Variants in ROBO2 observed in about 807,000 individuals in gnomAD.
The protein encoded by ROBO2 is roundabout guidance receptor 2.
Under a neutral mutation model 160.8 loss-of-function variants are expected in ROBO2, and 53 were observed. The ratio of observed to expected loss-of-function variants is 0.33; its 90% CI spans 0.26 to 0.41. The LOEUF is 0.41. ROBO2 is among the 10% of genes least tolerant of loss of function. The pLI is 1.00. For synonymous variants in ROBO2, 664 were observed against 611.7 expected, an observed-to-expected ratio of 1.09 and a Z score of -1.26; for missense variants, 1,577 against 1,722.4, an observed-to-expected ratio of 0.92 and a Z score of 1.49.
chr3:76,993,816 G>A (rs1559814956), intron 2 of ROBO2, among the ~76,000 whole-genome samples: 3 of 151,622 alleles, frequency 2.0e-5, no homozygotes, highest in East Asian at 1.9e-4. Flanking sequence ...TGCATTTCCT[G>A]TCAACCATTC....
intron 16 of ROBO2, among the ~76,000 whole-genome samples, chr3:77,583,394 T>C: frequency 6.6e-6 from 1 of 151,886 alleles, no homozygotes; most frequent in East Asian, 2.0e-4. Flanking sequence ...CCTAGTCTTC[T>C]ACTTGTTTGC....
chr3:76,321,140 A>T (rs1323792239), intron 2 of ROBO2, among the ~76,000 whole-genome samples: 1 of 152,198 alleles, frequency 6.6e-6, no homozygotes, highest in Non-Finnish European at 1.5e-5. Flanking sequence ...ATGCATCTCC[A>T]GTTCCTAGGC....
intron 2 of ROBO2, among the ~76,000 whole-genome samples, chr3:76,502,135 A>G (rs1352889125): frequency 6.6e-6 from 1 of 151,202 alleles, no homozygotes; most frequent in Non-Finnish European, 1.5e-5. Flanking sequence ...AAGATATAAT[A>G]CATCAGGCTT....
chr3:75,985,484 T>C (rs758407656), intron 2 of ROBO2, among the ~76,000 whole-genome samples: 13 of 151,680 alleles, frequency 8.6e-5, no homozygotes, highest in Middle Eastern at 3.4e-3. Flanking sequence ...TGATGCATTG[T>C]ACTATGACAT....
chr3:77,256,082 G>A (rs1251421917), intron 2 of ROBO2, among the ~76,000 whole-genome samples: 2 of 152,190 alleles, frequency 1.3e-5, no homozygotes, highest in Non-Finnish European at 2.9e-5. Context: ...ACCGAATGAA[G>A]CCACCTAATT....
At position 76,115,719 on chromosome 3, in the gene ROBO2, G is replaced by C. The variant is rs185751244; in HGVS notation, c.109+178117G>C. Among the ~76,000 whole-genome samples, 298 of 152,128 alleles carry C rather than the reference G, an allele frequency of 2.0e-3. 2 individuals are homozygous for C. Among genetic ancestry groups the C allele is most frequent in the Non-Finnish European group, 2.2e-3 (147 of 67,968 alleles). On this transcript the variant is annotated intron_variant, in intron 2 of 26. Transcript: ENST00000487694. ...ATTGTTTTCTCAATGTTTCTTTGGA[G>C]CATTAGCCATAAGAAGCAGCAAAAT...
chr3:76,628,988 A>G (rs370431768), intron 2 of ROBO2, among the ~76,000 whole-genome samples: 1 of 139,098 alleles, frequency 7.2e-6, no homozygotes. Flanking sequence ...TACTAAGCAT[A>G]ATATAGCGTC....
At chr3:76,095,701 T>G (rs768348672) in intron 2 of ROBO2, among the ~76,000 whole-genome samples, 1 of 151,736 alleles carries the variant, frequency 6.6e-6, no homozygotes, top group Non-Finnish European at 1.5e-5. Context: ...TCAATGTGTG[T>G]GTATGGCACA....
intron 2 of ROBO2, among the ~76,000 whole-genome samples, chr3:76,741,462 G>T (rs1038486540): frequency 6.6e-6 from 1 of 151,968 alleles, no homozygotes; most frequent in Admixed American, 6.6e-5. Context: ...CCCTTGCCTA[G>T]AAATGTGGCT....
At chr3:76,077,040 A>C (rs750183352) in intron 2 of ROBO2, among the ~76,000 whole-genome samples, 11 of 152,214 alleles carry the variant, frequency 7.2e-5, no homozygotes, top group Non-Finnish European at 1.6e-4. Context: ...CTGGTAGTGC[A>C]AAGTGAATTT....
chr3:75,918,474 C>T (rs1946899620), intron 1 of ROBO2, among the ~76,000 whole-genome samples: 1 of 152,318 alleles, frequency 6.6e-6, no homozygotes, highest in Non-Finnish European at 1.5e-5. Context: ...CGTCATGCCT[C>T]CAGCTTTGTT....
In ROBO2 at chr3:76,209,165, A is replaced by G. The variant is rs553191683; in HGVS notation, c.109+271563A>G. Among the ~76,000 whole-genome samples, 236 of 152,318 alleles carry G rather than the reference A, an allele frequency of 1.5e-3. 1 individual carries two copies. The Middle Eastern group carries it at 0.034, about 22-fold the overall frequency. ...CATGTGATCTTGTCCACAGACAATCAGATGGAAGGGCAATTGATGCCCAGT... is the reference window on the plus strand; with the variant it reads ...CATGTGATCTTGTCCACAGACAATCGGATGGAAGGGCAATTGATGCCCAGT... On this transcript the variant is annotated intron_variant, in intron 2 of 26. Coordinates refer to the ROBO2 transcript ENST00000487694.
rs35861088 is a variant in ROBO2, at chr3:75,929,172, CGTGTGTGTGTGTGT to C, written c.-13-8280_-13-8267del. On this transcript the variant is annotated intron_variant, in intron 1 of 26. Coordinates refer to the ROBO2 transcript ENST00000487694. ...ACATGAGATCTGCAGCTGGATAAGA[CGTGTGTGTGTGTGT>C]GTGTGTGTGTGTGTGTGTGTGTGTG... Among the ~76,000 whole-genome samples, 108 of 113,646 alleles carry C rather than the reference CGTGTGTGTGTGTGT, an allele frequency of 9.5e-4. 3 individuals carry two copies. The highest frequency in any genetic ancestry group is 1.3e-3 in the African/African-American group (29 of 22,700). The allele number at this position is 113,646 out of a possible 152,430, so 74.6% of individuals were successfully genotyped here.
At chr3:77,287,433 T>C (rs1342393920) in intron 2 of ROBO2, among the ~76,000 whole-genome samples, 1 of 152,096 alleles carries the variant, frequency 6.6e-6, no homozygotes, top group Non-Finnish European at 1.5e-5. Flanking sequence ...ACATTTTTTT[T>C]CCATTAAAAA....
intron 2 of ROBO2, among the ~76,000 whole-genome samples, chr3:77,108,291 CACATATGCA>C (rs1560026303): frequency 2.2e-4 from 28 of 125,596 alleles, no homozygotes; most frequent in Middle Eastern, 5.7e-3. Context: ...TATATGTATA[CACATATGCA>C]TATATATATA....
intron 2 of ROBO2, among the ~76,000 whole-genome samples, chr3:76,031,242 A>T (rs1036404618): frequency 6.6e-6 from 1 of 152,196 alleles, no homozygotes; most frequent in African/African-American, 2.4e-5. Context: ...GAAGTTACTT[A>T]TCAGCTTAAG....
intron 2 of ROBO2, among the ~76,000 whole-genome samples, chr3:76,183,707 T>A (rs1017068165): frequency 6.6e-6 from 1 of 152,104 alleles, no homozygotes; most frequent in African/African-American, 2.4e-5. Flanking sequence ...GAATATTCTA[T>A]TGGCTTATTT....
At chr3:76,597,498 G>C (rs1422060117) in intron 2 of ROBO2, among the ~76,000 whole-genome samples, 1 of 151,858 alleles carries the variant, frequency 6.6e-6, no homozygotes, top group African/African-American at 2.4e-5. Context: ...AATAAGCAAA[G>C]GAAAAGATAT....
intron 2 of ROBO2, among the ~76,000 whole-genome samples, chr3:77,392,926 T>TAA (rs1207168189): frequency 6.6e-6 from 1 of 152,196 alleles, no homozygotes; most frequent in Non-Finnish European, 1.5e-5. Context: ...TTGACCTTTC[T>TAA]TATTATTTTG....
Sources: gnomAD v4.1 joint callset for allele counts (sites outside exome capture counted in the v4.1 genomes callset) on GRCh38, gnomAD v4.1.1 for gene constraint, MANE v1.5 for transcripts, NCBI Gene and HGNC (gene_info 2026-07-23, HGNC 2026-07-21) for gene names.